The following ECPAS variants were observed in gnomAD, a reference collection of about 807,000 sequenced individuals.
ECPAS encodes the protein Ecm29 proteasome adaptor and scaffold.
Under a neutral mutation model 255.1 loss-of-function variants are expected in ECPAS, and 70 were observed. The observed-to-expected ratio is 0.27, with a 90% CI of 0.23 to 0.33. ECPAS has a LOEUF of 0.33. Among genes scored for constraint, ECPAS ranks in the 10% least tolerant of loss-of-function variants. The pLI is 1.00. For missense variants in ECPAS, 1,817 were observed against 2,206.4 expected (o/e 0.82, Z 3.54); for synonymous variants, 784 against 775.0 (o/e 1.01, Z -0.19).
At chr9:111,366,945 T>C (rs2098121089) in intron 46 of ECPAS, among the ~76,000 whole-genome samples, 1 of 152,104 alleles carries the variant, frequency 6.6e-6, no homozygotes, top group Admixed American at 6.6e-5. Context: ...AGGCATATGG[T>C]TCTCCATGGA....
intron 41 of ECPAS, 29 bp from the exon 42 acceptor site, chr9:111,372,649 A>G (rs1044614055): frequency 4.5e-6 from 7 of 1,549,796 alleles, no homozygotes; most frequent in African/African-American, 1.4e-5. Flanking sequence ...AATCTTTACG[A>G]TATTTATTGT....
At chr9:111,403,361 A>G (rs549532567) in intron 24 of ECPAS, among the ~76,000 whole-genome samples, 5 of 135,066 alleles carry the variant, frequency 3.7e-5, no homozygotes, top group Admixed American at 7.0e-5. Context: ...TCTCCGAAAG[A>G]AAAAAAAAAA....
At chr9:111,378,510 A>G (rs1178582701) in intron 36 of ECPAS, 70 bp downstream of exon 36, 3 of 1,468,926 alleles carry the variant, frequency 2.0e-6, no homozygotes, top group African/African-American at 2.8e-5. Context: ...TGTCATTCAA[A>G]TGAACCTTGG....
chr9:111,418,000 T>C lies in ECPAS; in HGVS notation c.1566A>G (p.Glu522=). The C allele has an allele frequency of 6.3e-7, 1 of 1,583,062 alleles. No homozygotes were observed. The highest frequency in any genetic ancestry group is 8.5e-7 in the Non-Finnish European group (1 of 1,170,042). Residue 522 remains glutamate, a synonymous_variant, in exon 17 of 50, where the codon GAA becomes GAG. Transcript: ENST00000684092. ...CGCGTTGTGCTTCTCCATGAACTTC[T>C]TCACGTCTTTCAGAAAAAGACAAAT... The part of the protein sequence containing the change: ...LLLLAAGDPR[E]EVHGEAQRVL...
chr9:111,415,738 C>T (rs1046864015), intron 18 of ECPAS, among the ~76,000 whole-genome samples: 2 of 151,030 alleles, frequency 1.3e-5, no homozygotes, highest in Non-Finnish European at 3.0e-5. Context: ...AAAAAAACAA[C>T]CCTTACATAA....
At chr9:111,474,910 T>C (rs1244492442) in intron 1 of ECPAS, among the ~76,000 whole-genome samples, 9 of 152,198 alleles carry the variant, frequency 5.9e-5, no homozygotes, top group Admixed American at 5.9e-4. Flanking sequence ...ACCACACAGC[T>C]GATCCCCTTT....
Position 111,447,104 on chromosome 9 carries a change from T to C in ECPAS, c.154-2610A>G, listed in dbSNP as rs940657180. 5.9e-5 allele frequency among the ~76,000 whole-genome samples: 9 copies of C among 151,848 alleles called. 1 individual carries two copies. In the East Asian group the frequency reaches 1.2e-3, roughly 19 times the overall value. On this transcript the variant is annotated intron_variant, in intron 3 of 49. Coordinates refer to ENST00000684092, the MANE Select transcript of ECPAS (RefSeq NM_001364929.1). The stretch of plus-strand genomic sequence containing the variant: ...GAATCTTGCCCACAATTGCATGCTT[T>C]TTTTTAATAATAAATTTATTTTGAT...
At chr9:111,477,340 G>A (rs1325059637) in intron 1 of ECPAS, among the ~76,000 whole-genome samples, 1 of 151,872 alleles carries the variant, frequency 6.6e-6, no homozygotes, top group African/African-American at 2.4e-5. Context: ...TTGAACTCCT[G>A]CTCTCAACTT....
Position 111,417,905 on chromosome 9 carries a change from A to G in ECPAS, c.1661T>C (p.Met554Thr). 6.3e-7 allele frequency: 1 copy of G among 1,575,174 alleles called. No individual in the cohort carries two copies. Among genetic ancestry groups the G allele is most frequent in the Non-Finnish European group, 8.6e-7 (1 of 1,159,040 alleles). ...TACCTTTTCTTGGATGTAATAAACC[A>G]TTTCTGGGAAGGAAGGCATCTGCTC... ...TSEQMPSFPEMVYYIQEKASH... is the reference protein window; with the variant it reads ...TSEQMPSFPETVYYIQEKASH... Residue 554 changes from methionine (M) to threonine (T), a missense_variant, in exon 17 of 50, where the codon ATG becomes ACG. Around this residue, in one of 4 missense-constraint regions of ECPAS, gnomAD observed 573 missense variants for 716.2 expected, o/e 0.80. Coordinates refer to ENST00000684092, the MANE Select transcript of ECPAS (RefSeq NM_001364929.1).
At chr9:111,387,822 G>A (rs28691143) in intron 31 of ECPAS, among the ~76,000 whole-genome samples, 1 of 133,750 alleles carries the variant, frequency 7.5e-6, no homozygotes, top group Non-Finnish European at 1.6e-5. Flanking sequence ...GAGGGACAGA[G>A]TCTCACTCAT....
chr9:111,421,826 TA>T, intron 15 of ECPAS, 94 bp downstream of exon 15: 1 of 1,402,428 alleles, frequency 7.1e-7, no homozygotes. Context: ...TGAAAGCAAA[TA>T]CTCCTCTTAT....
intron 8 of ECPAS, 41 bp downstream of exon 8, chr9:111,433,192 G>C (rs2131854749): frequency 6.3e-7 from 1 of 1,595,238 alleles, no homozygotes; most frequent in East Asian, 2.2e-5. Flanking sequence ...TTTTAGAAAT[G>C]TAGTCCTTTC....
intron 24 of ECPAS, among the ~76,000 whole-genome samples, chr9:111,399,772 G>C (rs1474553056): frequency 6.6e-6 from 1 of 152,238 alleles, no homozygotes; most frequent in Non-Finnish European, 1.5e-5. Flanking sequence ...TGCTGTGGAA[G>C]AGCACTTCTA....
chr9:111,367,276 C>T (rs975519212), intron 46 of ECPAS, among the ~76,000 whole-genome samples: 6 of 152,102 alleles, frequency 3.9e-5, no homozygotes, highest in South Asian at 2.1e-4. Flanking sequence ...ATCTAGAATT[C>T]TGCACTAGGA....
At chr9:111,366,059 C>A in intron 48 of ECPAS, 180 bp downstream of exon 48, 5 of 537,688 alleles carry the variant, frequency 9.3e-6, no homozygotes, top group South Asian at 2.8e-5. Flanking sequence ...TGCTAAAATC[C>A]TGTTATAGTT....
chr9:111,409,941 CCAG>C, intron 23 of ECPAS, 97 bp downstream of exon 23: 1 of 860,842 alleles, frequency 1.2e-6, no homozygotes, highest in Non-Finnish European at 1.8e-6. Context: ...AATCCTTCCT[CCAG>C]CTGTAATGCC....
chr9:111,374,106 T>C, intron 38 of ECPAS, 68 bp from the exon 39 acceptor site: 1 of 1,232,192 alleles, frequency 8.1e-7, no homozygotes, highest in Non-Finnish European at 1.2e-6. Flanking sequence ...AACCATTGGC[T>C]TAGGTGCCAA....
In ECPAS at chr9:111,436,927, C is replaced by T. The variant is rs757475723; in HGVS notation, c.708+13G>A. 1.3e-4 allele frequency: 209 copies of T among 1,588,160 alleles called. No individual in the cohort carries two copies. Among genetic ancestry groups the T allele is most frequent in the Non-Finnish European group, 1.7e-4 (196 of 1,169,548 alleles). ...ACAATCAACTACTATTATGAGCAAG[C>T]CTTGTGTGATACCTGTTCCAATTGT... On this transcript the variant is annotated intron_variant, in intron 7 of 49. Coordinates refer to ENST00000684092, the MANE Select transcript of ECPAS (RefSeq NM_001364929.1).
Position 111,433,424 on chromosome 9 carries a change from C to A in ECPAS, c.709-52G>T. On this transcript the variant is annotated intron_variant, in intron 7 of 49. Transcript: ENST00000684092. ...AGAACAGTCAGGGGAGCAAAGGACA[C>A]CCACTGAAAGTACTGCTTAACATAT... 7.5e-6 allele frequency: 12 copies of A among 1,597,798 alleles called. No individual in the cohort carries two copies. In the South Asian group the frequency reaches 1.3e-4, roughly 18 times the overall value.
Sources: gnomAD v4.1 joint callset for allele counts (sites outside exome capture counted in the v4.1 genomes callset) on GRCh38, gnomAD v4.1.1 for gene constraint, gnomAD v4.1.1 regional missense constraint, MANE v1.5 for transcripts, NCBI Gene and HGNC (gene_info 2026-07-23, HGNC 2026-07-21) for gene names.